Variants in MTMR3 observed in about 807,000 individuals in gnomAD.
MTMR3 encodes the protein phosphatidylinositol-3,5-bisphosphate 3-phosphatase MTMR3.
MTMR3 carries 32 observed loss-of-function variants against 132.4 expected under a neutral mutation model. The ratio of observed to expected loss-of-function variants is 0.24; its 90% CI spans 0.18 to 0.32. The LOEUF (loss-of-function observed/expected upper bound fraction) is 0.32. MTMR3 is among the 10% of genes least tolerant of loss of function. The pLI is 1.00. For synonymous variants in MTMR3, 556 were observed against 550.3 expected (o/e 1.01, Z -0.14); for missense variants, 1,216 against 1,489.6 (o/e 0.82, Z 3.02).
chr22:29,974,021 C>A (rs1363792400), intron 3 of MTMR3, among the ~76,000 whole-genome samples: 1 of 152,112 alleles, frequency 6.6e-6, no homozygotes, highest in Non-Finnish European at 1.5e-5. Flanking sequence ...GGTGACTGGC[C>A]CTTTTTCAGT....
chr22:29,921,367 C>T (rs558561686), intron 1 of MTMR3, among the ~76,000 whole-genome samples: 1 of 152,150 alleles, frequency 6.6e-6, no homozygotes, highest in East Asian at 1.9e-4. Flanking sequence ...AGGGATGTGC[C>T]CTCATAACCA....
At chr22:30,006,394 T>C (rs1190865004) in intron 9 of MTMR3, 1 of 152,214 alleles carries the variant, frequency 6.6e-6, no homozygotes, top group African/African-American at 2.4e-5. Flanking sequence ...TGTAAAGCAG[T>C]TCACTGTGGG....
rs1330538544 is a variant in MTMR3, at chr22:30,020,701, C to T, written c.3042C>T (p.His1014=). ...GCCCCGACCAGCCTTCCCGCAGCCA[C>T]CTGGACGATGATGGCATGTCAGTGT... ...TSSPDQPSRS[H]LDDDGMSVYT... is the part of the protein sequence containing the mutation. Residue 1014 remains histidine, a synonymous_variant, in exon 17 of 20, where the codon CAC becomes CAT. Coordinates refer to ENST00000401950, the MANE Select transcript of MTMR3 (RefSeq NM_021090.4). 1.2e-6 allele frequency: 2 copies of T among 1,614,100 alleles called. No homozygotes were observed. The highest frequency in any genetic ancestry group is 1.7e-6 in the Non-Finnish European group (2 of 1,180,050).
chr22:29,905,274 T>C (rs2145733998), intron 1 of MTMR3, among the ~76,000 whole-genome samples: 1 of 152,280 alleles, frequency 6.6e-6, no homozygotes, highest in Admixed American at 6.5e-5. Flanking sequence ...CTGCTGTATA[T>C]ATAGGTTTCA....
At chr22:29,976,489 A>T (rs7287233) in intron 3 of MTMR3, among the ~76,000 whole-genome samples, 11,854 of 152,184 alleles carry the variant, frequency 0.078, 540 homozygotes, top group African/African-American at 0.092. Flanking sequence ...CATACATCAG[A>T]GGTGTTTTAC....
intron 5 of MTMR3, chr22:29,982,937 T>TTTTTTTTTTTTTTTTGTGTG (rs752531735): frequency 2.7e-5 from 4 of 146,384 alleles, no homozygotes; most frequent in African/African-American, 1.0e-4. Context: ...AAAAGTTTGT[T>TTTTTTTTTTTTTTTTGTGTG]TGTGTGTGTG....
intron 1 of MTMR3, among the ~76,000 whole-genome samples, chr22:29,892,152 CA>C (rs375103872): frequency 0.064 from 8,275 of 130,236 alleles, 310 homozygotes; most frequent in South Asian, 0.18. Context: ...GACTCCATCT[CA>C]AAAAAAAAAA....
chr22:29,999,086 C>T, intron 8 of MTMR3: 1 of 286,848 alleles, frequency 3.5e-6, no homozygotes, highest in Non-Finnish European at 6.5e-6. Flanking sequence ...TCCCTTTTAC[C>T]CCCTCTAGGC....
chr22:30,012,751 G>A, intron 13 of MTMR3, 188 bp downstream of exon 13: 1 of 544,740 alleles, frequency 1.8e-6, no homozygotes, highest in Non-Finnish European at 3.1e-6. Flanking sequence ...TCTTAAAATG[G>A]GGCAGATTAT....
At chr22:29,914,580 C>T (rs1271481957) in intron 1 of MTMR3, among the ~76,000 whole-genome samples, 1 of 151,870 alleles carries the variant, frequency 6.6e-6, no homozygotes, top group Admixed American at 6.6e-5. Context: ...TTTCAGAGAG[C>T]AAAAACTTAA....
At chr22:29,890,139 C>T (rs994094027) in intron 1 of MTMR3, among the ~76,000 whole-genome samples, 2 of 151,870 alleles carry the variant, frequency 1.3e-5, no homozygotes, top group African/African-American at 4.8e-5. Flanking sequence ...ATCTCCTGAC[C>T]TCATGATCCA....
At chr22:29,929,057 A>G (rs2065586530) in intron 1 of MTMR3, among the ~76,000 whole-genome samples, 1 of 152,064 alleles carries the variant, frequency 6.6e-6, no homozygotes, top group Non-Finnish European at 1.5e-5. Context: ...AGATAGGTGG[A>G]TCACCTGAGG....
intron 1 of MTMR3, among the ~76,000 whole-genome samples, chr22:29,936,373 T>A (rs908813296): frequency 3.3e-5 from 5 of 152,166 alleles, no homozygotes; most frequent in African/African-American, 1.2e-4. Flanking sequence ...CTTGTTCTTA[T>A]ATTTGCTCTA....
rs567919206 is a variant in MTMR3, at chr22:29,961,435, G to T, written c.-85+4347G>T. On this transcript the variant is annotated intron_variant, in intron 2 of 19. Coordinates refer to ENST00000401950, the MANE Select transcript of MTMR3 (RefSeq NM_021090.4). ...GGAGGGATTTGTTATATTAATTAAA[G>T]AATATATACTGAAGAAACTACAGTA... Among the ~76,000 whole-genome samples, 7 of 152,178 alleles carry T rather than the reference G, an allele frequency of 4.6e-5. No homozygotes were observed. In the East Asian group the frequency reaches 7.7e-4, roughly 17 times the overall value.
In MTMR3 at chr22:30,025,714, A is replaced by C; in HGVS notation, c.3510A>C (p.Val1170=). 1 of 1,614,190 alleles carries C rather than the reference A, an allele frequency of 6.2e-7. No homozygotes were observed. Among genetic ancestry groups the C allele is most frequent in the Non-Finnish European group, 8.5e-7 (1 of 1,180,012 alleles). Residue 1170 remains valine, a synonymous_variant, in exon 20 of 20, where the codon GTA becomes GTC. Coordinates refer to ENST00000401950, the MANE Select transcript of MTMR3 (RefSeq NM_021090.4). The part of the protein sequence containing the change: ...PSQQLFEPSR[V]CKSCYSSLHP... ...AGCAGCTCTTTGAACCCAGTCGAGT[A>C]TGCAAGTCTTGCTATAGCAGCCTAC...
chr22:29,924,114 T>C (rs1477456780), intron 1 of MTMR3, among the ~76,000 whole-genome samples: 1 of 152,216 alleles, frequency 6.6e-6, no homozygotes. Flanking sequence ...CCAAATGCTA[T>C]GTCATGAAGC....
In MTMR3 at chr22:30,002,900, A is replaced by C; in HGVS notation, c.578A>C (p.Gln193Pro). Residue 193 changes from glutamine (Q) to proline (P), a missense_variant, in exon 9 of 20, where the codon CAA becomes CCA. Physicochemically the swap from Gln to Pro is moderately conservative, Grantham distance 76 (BLOSUM62 -1). Around this residue, in one of 7 missense-constraint regions of MTMR3, gnomAD observed 129 missense variants for 245.7 expected, o/e 0.53. Transcript: ENST00000401950. ...EKYKLCGSYP[Q>P]ELIVPAWITD... ...TTTAGATTATGTGGTAGCTATCCTC[A>C]AGAGCTCATAGTGCCTGCCTGGATC... 6.2e-7 allele frequency: 1 copy of C among 1,613,750 alleles called. No homozygotes were observed. The highest frequency in any genetic ancestry group is 8.5e-7 in the Non-Finnish European group (1 of 1,179,786).
At chr22:29,933,326 A>G (rs1420891491) in intron 1 of MTMR3, among the ~76,000 whole-genome samples, 1 of 152,066 alleles carries the variant, frequency 6.6e-6, no homozygotes, top group Admixed American at 6.5e-5. Context: ...ACTGTGAAGA[A>G]TGTTATTTTA....
chr22:29,960,430 C>T lies in MTMR3; in HGVS notation c.-85+3342C>T, dbSNP rs117793719. Among the ~76,000 whole-genome samples, 168 of 152,196 alleles carry T rather than the reference C, an allele frequency of 1.1e-3. 1 individual carries two copies. The highest frequency in any genetic ancestry group is 3.1e-3 in the South Asian group (15 of 4,816). On this transcript the variant is annotated intron_variant, in intron 2 of 19. Transcript: ENST00000401950. ...AATTAAAGAGATATTTGTATGCAAG[C>T]CTCTTTTAAATGGTTCAAAAAAAAT...
Sources: gnomAD v4.1 joint callset for allele counts (sites outside exome capture counted in the v4.1 genomes callset) on GRCh38, gnomAD v4.1.1 for gene constraint, gnomAD v4.1.1 regional missense constraint, MANE v1.5 for transcripts, NCBI Gene and HGNC (gene_info 2026-07-23, HGNC 2026-07-21) for gene names.